VIPR1: variants seen among roughly 807,000 people sequenced by gnomAD.
The protein encoded by VIPR1 is vasoactive intestinal polypeptide receptor 1.
A neutral mutation model predicts 58.8 loss-of-function variants in VIPR1; 59 were observed. The ratio of observed to expected loss-of-function variants is 1.00; its 90% CI spans 0.81 to 1.25. The LOEUF is 1.25. Ranked by LOEUF, VIPR1 falls within the 50% of genes most tolerant of loss-of-function variation. The pLI, the probability that VIPR1 is intolerant of heterozygous loss-of-function variation, is 0.00. For synonymous variants in VIPR1, 251 were observed against 242.1 expected (o/e 1.04, Z -0.34); for missense variants, 626 against 602.7 (o/e 1.04, Z -0.40).
rs964433558 is a variant in VIPR1 at position 42,537,097 on chromosome 3, C to G, written c.*816C>G. 2 of 152,294 alleles carry G rather than the reference C, an allele frequency of 1.3e-5. No homozygotes were observed. Among genetic ancestry groups the G allele is most frequent in the African/African-American group, 4.8e-5 (2 of 41,448 alleles). 9.4% of individuals were successfully genotyped at this position (152,294 alleles called of 1,614,324 possible). On this transcript the variant is annotated 3_prime_UTR_variant, in exon 13 of 13. Transcript: ENST00000325123. ...TGTCACACCAGCCATACTTATCTCT[C>G]TGTGCTGTGGAAGCAACAGGAATCA...
intron 2 of VIPR1, among the ~76,000 whole-genome samples, chr3:42,517,429 G>GGAT (rs1700689780): frequency 1.3e-5 from 2 of 152,196 alleles, no homozygotes; most frequent in South Asian, 4.1e-4. Context: ...CTCCTGCATG[G>GGAT]GATGGGTCCA....
chr3:42,531,211 T>C, intron 7 of VIPR1: 2 of 611,830 alleles, frequency 3.3e-6, no homozygotes, highest in Non-Finnish European at 5.8e-6. Context: ...GGGCCACTGC[T>C]AATCTATAAA....
chr3:42,502,205 C>G (rs945867885), upstream of VIPR1: 1 of 152,450 alleles, frequency 6.6e-6, no homozygotes, highest in South Asian at 2.1e-4. Context: ...CGGATTTGCG[C>G]GCACGAACCC....
In VIPR1 at chr3:42,502,758, C is replaced by T. The variant is rs1055941562; in HGVS notation, c.23C>T (p.Pro8Leu). The change falls in exon 1 of 13, where the codon CCC (proline) becomes CTC (leucine). Residue 8 changes from proline (P) to leucine (L), a missense_variant. Physicochemically the swap from Pro to Leu is moderately conservative, Grantham distance 98 (BLOSUM62 -3). Coordinates refer to ENST00000325123, the MANE Select transcript of VIPR1 (RefSeq NM_004624.4). MRPPSPL[P>L]ARWLCVLAGA... ...ACCATGCGCCCGCCAAGTCCGCTGC[C>T]CGCCCGCTGGCTATGCGTGCTGGCA... The T allele has an allele frequency of 1.5e-6, 2 of 1,307,310 alleles. No homozygotes were observed. The highest frequency in any genetic ancestry group is 3.7e-5 in the Admixed American group (1 of 26,670). 81.0% of individuals were successfully genotyped at this position (1,307,310 alleles called of 1,614,324 possible).
At chr3:42,496,105 C>G (rs765488732) in intron 1 of VIPR1, among the ~76,000 whole-genome samples, 3 of 152,064 alleles carry the variant, frequency 2.0e-5, no homozygotes, top group Non-Finnish European at 4.4e-5. Context: ...GGCGTGGTGG[C>G]GTGTGCCTGT....
At chr3:42,496,397 C>T (rs1007133950) in intron 1 of VIPR1, among the ~76,000 whole-genome samples, 9 of 152,210 alleles carry the variant, frequency 5.9e-5, no homozygotes, top group African/African-American at 2.2e-4. Flanking sequence ...GTATTGTTAA[C>T]TCTATAAAAG....
At chr3:42,494,552 TC>T (rs976647209) in intron 1 of VIPR1, among the ~76,000 whole-genome samples, 22 of 152,226 alleles carry the variant, frequency 1.4e-4, no homozygotes, top group African/African-American at 4.8e-4. Context: ...AAGATAGTAT[TC>T]CCTCATAGCT....
intron 2 of VIPR1, among the ~76,000 whole-genome samples, chr3:42,514,765 C>A (rs983687541): frequency 6.6e-6 from 1 of 152,146 alleles, no homozygotes; most frequent in Admixed American, 6.5e-5. Context: ...AGAGCCCCAC[C>A]TGGCAGTGTG....
chr3:42,521,972 T>G (rs1384331182), intron 3 of VIPR1, among the ~76,000 whole-genome samples: 1 of 150,374 alleles, frequency 6.7e-6, no homozygotes, highest in Non-Finnish European at 1.5e-5. Flanking sequence ...GGTCTTGAAC[T>G]CCTGACCTCA....
At chr3:42,514,389 C>A (rs940649837) in intron 2 of VIPR1, among the ~76,000 whole-genome samples, 3 of 152,096 alleles carry the variant, frequency 2.0e-5, no homozygotes, top group African/African-American at 7.2e-5. Context: ...TCAAAGCCAT[C>A]TTAGTGGTCC....
intron 10 of VIPR1, chr3:42,534,708 C>T: frequency 3.1e-6 from 1 of 327,002 alleles, no homozygotes; most frequent in East Asian, 6.7e-5. Context: ...TACCCTCTCT[C>T]CTCCAGAAGG....
At chr3:42,496,638 T>C (rs891197603) in intron 1 of VIPR1, among the ~76,000 whole-genome samples, 2 of 152,220 alleles carry the variant, frequency 1.3e-5, no homozygotes, top group Admixed American at 1.3e-4. Context: ...TTGGCATTTT[T>C]ATATCTTCTT....
intron 1 of VIPR1, among the ~76,000 whole-genome samples, chr3:42,509,914 C>T (rs1700284886): frequency 6.6e-6 from 1 of 152,222 alleles, no homozygotes; most frequent in African/African-American, 2.4e-5. Flanking sequence ...TCAGTTCCTG[C>T]CTGGACTGGT....
rs141582101 is a variant in VIPR1 at position 42,508,146 on chromosome 3, G to A, written c.78+5333G>A. On this transcript the variant is annotated intron_variant, in intron 1 of 12. Coordinates refer to ENST00000325123, the MANE Select transcript of VIPR1 (RefSeq NM_004624.4). ...TACCTGGGGTTATGCAAGGCACTAC[G>A]GCTGTGGCTAGGCTTGGATGTGGAC... 1.8e-3 allele frequency: 270 copies of A among 152,408 alleles called. 1 individual carries two copies. Among genetic ancestry groups the A allele is most frequent in the South Asian group, 4.8e-3 (23 of 4,816 alleles). The allele number at this position is 152,408 out of a possible 1,614,324, so 9.4% of individuals were successfully genotyped here.
chr3:42,527,526 A>G (rs902099743), intron 5 of VIPR1, 30 bp downstream of exon 5: 1 of 1,605,566 alleles, frequency 6.2e-7, no homozygotes, highest in South Asian at 1.1e-5. Context: ...ACAGGCCTCA[A>G]AGCAAACCTG....
chr3:42,531,091 A>C, intron 7 of VIPR1, 159 bp downstream of exon 7: 2 of 959,646 alleles, frequency 2.1e-6, no homozygotes, highest in Non-Finnish European at 3.1e-6. Flanking sequence ...AAGTCCTCAA[A>C]ATGTCTGATC....
chr3:42,495,032 G>A (rs1241257646), intron 1 of VIPR1, among the ~76,000 whole-genome samples: 1 of 152,106 alleles, frequency 6.6e-6, no homozygotes, highest in East Asian at 1.9e-4. Flanking sequence ...CAAACATACA[G>A]GAGAAAAGAA....
intron 6 of VIPR1, chr3:42,530,232 G>C (rs1030097649): frequency 1.9e-5 from 3 of 155,764 alleles, no homozygotes; most frequent in African/African-American, 7.2e-5. Context: ...AGATTGGACA[G>C]ATGATAGGCA....
upstream of VIPR1, among the ~76,000 whole-genome samples, chr3:42,499,112 A>G (rs555932047): frequency 6.0e-4 from 91 of 152,342 alleles, no homozygotes; most frequent in African/African-American, 2.1e-3. Flanking sequence ...CTGCATCCAG[A>G]CAGCAACGTG....
Sources: allele counts gnomAD v4.1 joint callset (sites outside exome capture counted in the v4.1 genomes callset), GRCh38; gene constraint gnomAD v4.1.1; transcripts MANE v1.5; gene names NCBI Gene and HGNC (gene_info 2026-07-23, HGNC 2026-07-21).